The following NLRP12 variants were observed in gnomAD, a reference collection of about 807,000 sequenced individuals.
The protein encoded by NLRP12 is NACHT, LRR and PYD domains-containing protein 12.
A neutral mutation model predicts 91.2 loss-of-function variants in NLRP12; 108 were observed. The ratio of observed to expected loss-of-function variants is 1.18; its 90% confidence interval spans 1.01 to 1.39. NLRP12 has a LOEUF of 1.39. NLRP12 is among the 40% of genes most tolerant of loss of function. NLRP12 has a pLI of 0.00. For missense variants in NLRP12, 1,530 were observed against 1,352.7 expected, an observed-to-expected ratio of 1.13 and a Z score of -2.06; for synonymous variants, 613 against 566.7, an observed-to-expected ratio of 1.08 and a Z score of -1.16.
intron 4 of NLRP12, chr19:53,805,883 A>T: frequency 4.0e-6 from 1 of 248,292 alleles, no homozygotes. Flanking sequence ...AAGCAACAAG[A>T]ACAATATAAA....
intron 6 of NLRP12, among the ~76,000 whole-genome samples, chr19:53,803,159 A>G (rs1568664809): frequency 6.6e-6 from 1 of 151,900 alleles, no homozygotes; most frequent in Non-Finnish European, 1.5e-5. Flanking sequence ...CTACTGGGAA[A>G]TCATCACTGC....
rs917290005 is a variant in NLRP12, at chr19:53,795,785, T to C, written c.3098+74A>G. 41 of 1,381,132 alleles carry C rather than the reference T, an allele frequency of 3.0e-5. No homozygotes were observed. The Admixed American group carries it at 7.1e-4, about 24-fold the overall frequency. 85.6% of individuals were successfully genotyped at this position (1,381,132 alleles called of 1,614,324 possible). A position where few individuals can be genotyped will look rare whatever the true frequency, so the allele number is the denominator to read the frequency against. The stretch of plus-strand genomic sequence containing the variant: ...CACCAGTGCATAACGTATTTGTCCA[T>C]CCAGCTTATCTACCCTCATGCTCCC... On this transcript the variant is annotated intron_variant, in intron 9 of 9. Transcript: ENST00000324134.
rs34436714 is a variant in NLRP12, at chr19:53,824,059, C to T, written c.116G>A (p.Gly39Glu). 1 of 1,613,840 alleles carries T rather than the reference C, an allele frequency of 6.2e-7. No individual in the cohort carries two copies. The highest frequency in any genetic ancestry group is 1.3e-5 in the African/African-American group (1 of 74,836). Residue 39 changes from glycine to glutamate, a missense_variant, in exon 1 of 10, where the codon GGA becomes GAA. Physicochemically the swap from Gly to Glu is moderately conservative, Grantham distance 98. Transcript: ENST00000324134. ...GCTTCCCCAGGGGATCTTGCCTTCT[C>T]CCAGCTCTGTCGCGGTCCCCAGGTA... ...KLYLGTATEL[G>E]EGKIPWGSME...
intron 1 of NLRP12, among the ~76,000 whole-genome samples, chr19:53,822,736 T>TA (rs35709423): frequency 0.85 from 102,727 of 120,576 alleles, 44,103 homozygotes; most frequent in Non-Finnish European, 0.92. Context: ...GACTCAGTCT[T>TA]AAAAAAAAAA....
chr19:53,801,328 G>C lies in NLRP12; in HGVS notation c.2655C>G (p.Ser885Arg). Reference protein sequence around the residue: ...ELASTLSVNQSLRELDLSLNE... With the variant: ...ELASTLSVNQRLRELDLSLNE... ...TCAGGCTCAGGTCCAGCTCTCTCAG[G>C]CTCTGGTTCACACTGAGAGTTGAGG... The change falls in exon 7 of 10, where the codon AGC becomes AGG. Residue 885 changes from serine to arginine, a missense_variant. Physicochemically the swap from Ser to Arg is moderately radical, Grantham distance 110. Coordinates refer to ENST00000324134, the MANE Select transcript of NLRP12 (RefSeq NM_144687.4). The C allele has an allele frequency of 6.2e-7, 1 of 1,613,950 alleles. No individual in the cohort carries two copies. Among genetic ancestry groups the C allele is most frequent in the East Asian group, 2.2e-5 (1 of 44,862 alleles).
chr19:53,816,916 G>C (rs1037974701), intron 1 of NLRP12, among the ~76,000 whole-genome samples: 5 of 151,980 alleles, frequency 3.3e-5, no homozygotes, highest in African/African-American at 9.7e-5. Context: ...AATGGGTATC[G>C]AGTTTGTTTT....
intron 1 of NLRP12, among the ~76,000 whole-genome samples, chr19:53,823,579 C>T (rs1021183965): frequency 1.4e-5 from 2 of 144,958 alleles, no homozygotes; most frequent in East Asian, 2.0e-4. Flanking sequence ...GGCAAGGTCT[C>T]GTTCTGTCAC....
At position 53,811,164 on chromosome 19, in the gene NLRP12, C is replaced by T; in HGVS notation, c.495G>A (p.Glu165=). Residue 165 remains glutamate, a synonymous_variant, in exon 3 of 10, where the codon GAG becomes GAA. Transcript: ENST00000324134. The part of the protein sequence containing the change: ...HRYTRLLLVK[E]HSNPMQVQQQ... ...GCTGGACCTGCATGGGGTTTGAGTG[C>T]TCCTTCACCAGCAGGAGCCGGGTGT... 3 of 1,614,104 alleles carry T rather than the reference C, an allele frequency of 1.9e-6. No homozygotes were observed. Among genetic ancestry groups the T allele is most frequent in the East Asian group, 2.2e-5 (1 of 44,840 alleles).
In NLRP12 at chr19:53,805,418, C is replaced by A. The variant is rs187043374; in HGVS notation, c.2276G>T (p.Cys759Phe). Residue 759 changes from cysteine (C) to phenylalanine (F), a missense_variant, in exon 5 of 10, where the codon TGC becomes TTC. By Grantham distance (205) the Cys-to-Phe change is radical. Coordinates refer to ENST00000324134, the MANE Select transcript of NLRP12 (RefSeq NM_144687.4). ...TATGAGAGCTGCAGAGAGGTCCTCG[C>A]AGGCTGAGCTGGAGATGCGGCACCT... ...LKRCRISSSA[C>F]EDLSAALIAN... 1 of 1,613,958 alleles carries A rather than the reference C, an allele frequency of 6.2e-7. No individual in the cohort carries two copies.
At position 53,819,477 on chromosome 19, in the gene NLRP12, GTGTGTGTA is replaced by G. The variant is rs778494870; in HGVS notation, c.289+4401_289+4408del. Reference sequence around the variant, plus strand: ...TATATATGTGTGTGTGTGTGTGTGTGTGTGTGTATATACATATGTGTATATATATGTAT... The same window carrying G: ...TATATATGTGTGTGTGTGTGTGTGTGTATACATATGTGTATATATATGTAT... On this transcript the variant is annotated intron_variant, in intron 1 of 9. Transcript: ENST00000324134. 6.0e-3 allele frequency among the ~76,000 whole-genome samples: 221 copies of G among 36,850 alleles called. 23 individuals carry two copies. The highest frequency in any genetic ancestry group is 8.0e-3 in the Non-Finnish European group (137 of 17,148). The allele number at this position is 36,850 out of a possible 152,430, so 24.2% of individuals were successfully genotyped here.
rs57369843 is a variant in NLRP12 at position 53,802,576 on chromosome 19, A to G, written c.2586-1179T>C. Among the ~76,000 whole-genome samples the G allele has an allele frequency of 9.2e-4, 139 of 151,418 alleles. No homozygotes were observed. The East Asian group carries it at 0.011, about 12-fold the overall frequency. On this transcript the variant is annotated intron_variant, in intron 6 of 9. Transcript: ENST00000324134. ...CAAAAAATTAGCCAAGCGTGGTGGC[A>G]GGCGCCTGTAGTCCCAGCTACTAGG...
In NLRP12 at chr19:53,798,470, G is replaced by A. The variant is rs199476246; in HGVS notation, c.2757-57C>T. ...AGGCATTCCTCCTGCAAAATCTGCT[G>A]GGAGGGCCCTGTGCCAAGCCCTGTG... On this transcript the variant is annotated intron_variant, in intron 7 of 9. Transcript: ENST00000324134. The A allele has an allele frequency of 1.2e-5, 18 of 1,557,108 alleles. No homozygotes were observed. The East Asian group carries it at 4.2e-4, about 37-fold the overall frequency.
At position 53,795,877 on chromosome 19, in the gene NLRP12, C is replaced by T. The variant is rs780433429; in HGVS notation, c.3080G>A (p.Cys1027Tyr). The change falls in exon 9 of 10, where the codon TGC becomes TAC. Residue 1027 changes from cysteine (C) to tyrosine (Y), a missense_variant. By Grantham distance (194) the Cys-to-Tyr change is radical. Coordinates refer to ENST00000324134, the MANE Select transcript of NLRP12 (RefSeq NM_144687.4). ...CCCTCACCAGAGGACTCGGAGTTTG[C>T]AGCCAGGATGGCTCAGCCGCTTGCA... ...LLCKRLSHPG[C>Y]KLRVLWLFGM... 3.1e-6 allele frequency: 5 copies of T among 1,614,028 alleles called. No individual in the cohort carries two copies. Among genetic ancestry groups the T allele is most frequent in the Non-Finnish European group, 4.2e-6 (5 of 1,179,934 alleles).
At chr19:53,798,547 GAA>G (rs1384094226) in intron 7 of NLRP12, 134 bp from the exon 8 acceptor site, 1 of 847,616 alleles carries the variant, frequency 1.2e-6, no homozygotes, top group African/African-American at 1.7e-5. Flanking sequence ...GAGACAAAAA[GAA>G]AAAGACGACA....
intron 1 of NLRP12, among the ~76,000 whole-genome samples, chr19:53,817,718 A>G (rs2092183869): frequency 6.6e-6 from 1 of 152,116 alleles, no homozygotes; most frequent in Non-Finnish European, 1.5e-5. Flanking sequence ...CCTAGGCAAC[A>G]AGAGTGAAAT....
intron 1 of NLRP12, among the ~76,000 whole-genome samples, chr19:53,815,915 G>A (rs1425972692): frequency 6.6e-6 from 1 of 151,282 alleles, no homozygotes; most frequent in Non-Finnish European, 1.5e-5. Context: ...TGGCGACTCT[G>A]TCTCTTAAAA....
In NLRP12 at chr19:53,811,084, C is replaced by T. The variant is rs774008748; in HGVS notation, c.575G>A (p.Ser192Asn). 6 of 1,613,784 alleles carry T rather than the reference C, an allele frequency of 3.7e-6. No individual in the cohort carries two copies. The South Asian group carries it at 5.5e-5, about 15-fold the overall frequency. Residue 192 changes from serine (S) to asparagine (N), a missense_variant, in exon 3 of 10, where the codon AGC becomes AAC. Transcript: ENST00000324134. Reference sequence around the variant, plus strand: ...AAAGAGGGTCTCTATCTTGATGGGGCTAGCCTGGTGTCCCACGGTCCTCGC... The same window carrying T: ...AAAGAGGGTCTCTATCTTGATGGGGTTAGCCTGGTGTCCCACGGTCCTCGC... ...GHARTVGHQASPIKIETLFEP... is the reference protein window; with the variant it reads ...GHARTVGHQANPIKIETLFEP...
At chr19:53,813,281 CTTTTTTTTTTTTCTTTTCTT>C (rs1449128978) in intron 2 of NLRP12, among the ~76,000 whole-genome samples, 5 of 111,568 alleles carry the variant, frequency 4.5e-5, no homozygotes, top group African/African-American at 1.7e-4. Context: ...AACTGCTATT[CTTTTTTTTTTTTCTTTTCTT>C]TTTTTTTTTT....
chr19:53,810,717 C>T lies in NLRP12; in HGVS notation c.942G>A (p.Trp314Ter), dbSNP rs552955393. 1.2e-6 allele frequency: 2 copies of T among 1,613,970 alleles called. No homozygotes were observed. The highest frequency in any genetic ancestry group is 2.2e-5 in the South Asian group (2 of 91,070). The change falls in exon 3 of 10, where the codon TGG (tryptophan) becomes TGA (stop). Residue 314 changes from tryptophan (W) to a stop codon, truncating the protein, a stop_gained. Coordinates refer to ENST00000324134, the MANE Select transcript of NLRP12 (RefSeq NM_144687.4). LOFTEE classifies it high-confidence loss of function. Reference sequence around the variant, plus strand: ...GCAGCTCCGTGGGCCGTTTCTCCTCCCAGCAGAGGCACCAGGGTCCCTGAG... The same window carrying T: ...GCAGCTCCGTGGGCCGTTTCTCCTCTCAGCAGAGGCACCAGGGTCCCTGAG... ...HDPQGPWCLC[W>*]EEKRPTELLL...
Sources: allele counts gnomAD v4.1 joint callset (sites outside exome capture counted in the v4.1 genomes callset), GRCh38; gene constraint gnomAD v4.1.1; transcripts MANE v1.5; gene names NCBI Gene and HGNC (gene_info 2026-07-23, HGNC 2026-07-21).